The following SYNPR variants were observed in gnomAD, a reference collection of about 807,000 sequenced individuals.
SYNPR encodes the protein synaptoporin.
Under a neutral mutation model 32.9 loss-of-function variants are expected in SYNPR, and 23 were observed. The ratio of observed to expected loss-of-function variants is 0.70; its 90% CI spans 0.50 to 0.99. The LOEUF (loss-of-function observed/expected upper bound fraction) is 0.99. Ranked by LOEUF, SYNPR falls within the 50% of genes least tolerant of loss-of-function variation. SYNPR has a pLI of 0.00. For missense variants in SYNPR, 318 were observed against 349.3 expected (o/e 0.91, Z 0.71); for synonymous variants, 146 against 135.9 (o/e 1.07, Z -0.52).
intron 2 of SYNPR, among the ~76,000 whole-genome samples, chr3:63,298,854 G>A (rs1020389899): frequency 6.6e-6 from 1 of 152,142 alleles, no homozygotes; most frequent in African/African-American, 2.4e-5. Context: ...TGGGACCGGT[G>A]TAGAACATAC....
At chr3:63,402,533 C>T (rs948903121) in intron 2 of SYNPR, among the ~76,000 whole-genome samples, 1 of 152,142 alleles carries the variant, frequency 6.6e-6, no homozygotes, top group Non-Finnish European at 1.5e-5. Context: ...GGATTGACCC[C>T]TCTGTATGAC....
chr3:63,345,876 G>A (rs376298570), intron 2 of SYNPR, among the ~76,000 whole-genome samples: 14 of 151,830 alleles, frequency 9.2e-5, no homozygotes, highest in South Asian at 2.1e-4. Flanking sequence ...GTGCAGTGGC[G>A]CAATCTCAGC....
chr3:63,275,140 T>C (rs967471800), upstream of SYNPR, among the ~76,000 whole-genome samples: 2 of 152,212 alleles, frequency 1.3e-5, no homozygotes, highest in Non-Finnish European at 2.9e-5. Context: ...GGAAATTATC[T>C]TTCATCATCT....
At chr3:63,211,483 A>C in the SYNPR span, among the ~76,000 whole-genome samples, 1 of 152,220 alleles carries the variant, frequency 6.6e-6, no homozygotes, top group African/African-American at 2.4e-5. Context: ...GAATCTTTGC[A>C]AGTGCTCACT....
At chr3:63,517,892 A>C (rs1433746279) in intron 3 of SYNPR, among the ~76,000 whole-genome samples, 1 of 152,160 alleles carries the variant, frequency 6.6e-6, no homozygotes, top group African/African-American at 2.4e-5. Flanking sequence ...ATAATGTAGA[A>C]AGGAAGACAA....
At chr3:63,494,446 T>C (rs13059399) in intron 3 of SYNPR, among the ~76,000 whole-genome samples, 4,781 of 105,984 alleles carry the variant, frequency 0.045, 311 homozygotes, top group African/African-American at 0.096. Context: ...TATATATATA[T>C]ACACATATAT....
chr3:63,559,862 T>G (rs1048608113), intron 4 of SYNPR, among the ~76,000 whole-genome samples: 1 of 152,234 alleles, frequency 6.6e-6, no homozygotes, highest in African/African-American at 2.4e-5. Flanking sequence ...CATGCATGTT[T>G]ATTTCTGGAT....
chr3:63,574,612 T>G (rs1702946705), intron 4 of SYNPR, among the ~76,000 whole-genome samples: 1 of 152,166 alleles, frequency 6.6e-6, no homozygotes, highest in African/African-American at 2.4e-5. Context: ...GGGAAAACCA[T>G]ACTGTAAGCC....
intron 2 of SYNPR, among the ~76,000 whole-genome samples, chr3:63,375,039 T>C (rs1374147282): frequency 6.6e-6 from 1 of 152,178 alleles, no homozygotes; most frequent in Non-Finnish European, 1.5e-5. Flanking sequence ...CTCACACCAG[T>C]TAGAATAGCG....
chr3:63,231,659 C>A (rs2086167711), intron 1 of SYNPR, among the ~76,000 whole-genome samples: 1 of 152,066 alleles, frequency 6.6e-6, no homozygotes, highest in Admixed American at 6.6e-5. Context: ...GGCCCCAGGT[C>A]AAAAGCAGTC....
chr3:63,467,558 G>A (rs1369398366), intron 2 of SYNPR, among the ~76,000 whole-genome samples: 3 of 152,176 alleles, frequency 2.0e-5, no homozygotes, highest in Admixed American at 6.5e-5. Context: ...ACCTCACAGA[G>A]TTATGAGATT....
At chr3:63,348,378 T>C (rs2087463767) in intron 2 of SYNPR, among the ~76,000 whole-genome samples, 1 of 151,986 alleles carries the variant, frequency 6.6e-6, no homozygotes, top group Admixed American at 6.5e-5. Context: ...ATGGGGTTAT[T>C]TGTTGTTGTT....
rs563265223 is a variant in SYNPR at position 63,460,002 on chromosome 3, C to T, written c.85-20830C>T. Among the ~76,000 whole-genome samples, 116 of 152,216 alleles carry T rather than the reference C, an allele frequency of 7.6e-4. 1 individual carries two copies. The highest frequency in any genetic ancestry group is 2.7e-3 in the African/African-American group (113 of 41,560). On this transcript the variant is annotated intron_variant, in intron 2 of 5. Coordinates refer to ENST00000478300, the MANE Select transcript of SYNPR (RefSeq NM_001130003.2). Reference sequence around the variant, plus strand: ...TCTCCACTCTCACTTCGCTGTCTGTCTCAGATGACTGCAACATCCCATAAA... The same window carrying T: ...TCTCCACTCTCACTTCGCTGTCTGTTTCAGATGACTGCAACATCCCATAAA...
rs761138837 is a variant in SYNPR, at chr3:63,615,411, G to C, written c.788G>C (p.Ser263Thr). 3 of 1,613,942 alleles carry C rather than the reference G, an allele frequency of 1.9e-6. No homozygotes were observed. The highest frequency in any genetic ancestry group is 1.7e-6 in the Non-Finnish European group (2 of 1,179,880). ...AGCAGTGGGTACAGTCAGCAGGCGA[G>C]TTTGGGGCCAACCTCAGATGAGTTT... ...GSSSGYSQQASLGPTSDEFGQ... is the reference protein window; with the variant it reads ...GSSSGYSQQATLGPTSDEFGQ... Residue 263 changes from serine (S) to threonine (T), a missense_variant, in exon 6 of 6, where the codon AGT becomes ACT. Coordinates refer to ENST00000478300, the MANE Select transcript of SYNPR (RefSeq NM_001130003.2).
chr3:63,220,314 T>A, the SYNPR span, among the ~76,000 whole-genome samples: 3 of 152,220 alleles, frequency 2.0e-5, no homozygotes, highest in Admixed American at 1.3e-4. Flanking sequence ...TTCTGATGGA[T>A]CTTATGTTGG....
chr3:63,561,451 A>G (rs1283712080), intron 4 of SYNPR: 1 of 152,190 alleles, frequency 6.6e-6, no homozygotes, highest in Non-Finnish European at 1.5e-5. Context: ...CATAATCACC[A>G]TGCAAGAGGC....
chr3:63,370,929 G>A (rs2087803691), intron 2 of SYNPR, among the ~76,000 whole-genome samples: 1 of 152,120 alleles, frequency 6.6e-6, no homozygotes, highest in African/African-American at 2.4e-5. Context: ...TTAAATATGG[G>A]GGAGAGCCAA....
intron 2 of SYNPR, among the ~76,000 whole-genome samples, chr3:63,474,933 C>G (rs1700871528): frequency 6.6e-6 from 1 of 152,168 alleles, no homozygotes; most frequent in African/African-American, 2.4e-5. Flanking sequence ...CTCCTCCAAC[C>G]TATTGCATTT....
intron 2 of SYNPR, among the ~76,000 whole-genome samples, chr3:63,396,302 A>C (rs1036073425): frequency 1.3e-5 from 2 of 152,188 alleles, no homozygotes; most frequent in Non-Finnish European, 2.9e-5. Flanking sequence ...CCTAAAAATG[A>C]AACTTCAAGA....
Sources: allele counts gnomAD v4.1 joint callset (sites outside exome capture counted in the v4.1 genomes callset), GRCh38; gene constraint gnomAD v4.1.1; transcripts MANE v1.5; gene names NCBI Gene and HGNC (gene_info 2026-07-23, HGNC 2026-07-21).